NHSL2: variants seen among roughly 807,000 people sequenced by gnomAD.
The protein encoded by NHSL2 is NHS-like protein 2.
In NHSL2, 27 loss-of-function variants were observed where a neutral mutation model predicts 53.4. That is an observed-to-expected ratio of 0.51 (90% CI 0.37 to 0.70). NHSL2 has a LOEUF of 0.70. Among genes scored for constraint, NHSL2 ranks in the 30% least tolerant of loss-of-function variants. The pLI, the probability that NHSL2 is intolerant of heterozygous loss-of-function variation, is 0.00. For missense variants in NHSL2, 892 were observed against 980.1 expected (o/e 0.91, Z 1.20); for synonymous variants, 408 against 404.1 (o/e 1.01, Z -0.12).
chrX:72,143,782 C>A lies in NHSL2; in HGVS notation c.*208C>A. 3.0e-6 allele frequency: 1 copy of A among 332,728 alleles called. No homozygotes were observed. Among genetic ancestry groups the A allele is most frequent in the East Asian group, 5.0e-5 (1 of 20,040 alleles). The allele number at this position is 332,728 out of a possible 1,213,427, so 27.4% of individuals were successfully genotyped here. On this transcript the variant is annotated 3_prime_UTR_variant, in exon 8 of 8. Transcript: ENST00000633930. ...CTTCAGACATTTTTATGTTTTCATA[C>A]TTATAAGCTTGTCATGACTGACTAC...
intron 1 of NHSL2, among the ~76,000 whole-genome samples, chrX:72,120,374 G>C (rs752891076): frequency 1.8e-5 from 2 of 112,311 alleles, no homozygotes; most frequent in East Asian, 5.6e-4. Flanking sequence ...CTCTTTGCTT[G>C]TTATTTGTTT....
intron 1 of NHSL2, among the ~76,000 whole-genome samples, chrX:72,088,412 G>C (rs540862249): frequency 8.9e-6 from 1 of 112,408 alleles, no homozygotes; most frequent in Admixed American, 9.4e-5. Context: ...AATTAATAGG[G>C]AATTGTAAGT....
chrX:72,137,856 C>T (rs148324746), intron 5 of NHSL2, among the ~76,000 whole-genome samples: 1 of 112,018 alleles, frequency 8.9e-6, no homozygotes, highest in East Asian at 2.8e-4. Flanking sequence ...ATAATAATGA[C>T]ATGACAGTAT....
At chrX:72,118,110 C>T (rs779481718) in intron 1 of NHSL2, among the ~76,000 whole-genome samples, 2 of 111,260 alleles carry the variant, frequency 1.8e-5, no homozygotes, top group East Asian at 5.6e-4. Flanking sequence ...CACAAGGGTA[C>T]CACTTCCTCC....
intron 1 of NHSL2, among the ~76,000 whole-genome samples, chrX:71,912,346 G>T (rs1369122623): frequency 8.9e-6 from 1 of 112,658 alleles, no homozygotes; most frequent in Non-Finnish European, 1.9e-5. Flanking sequence ...CTACAGCTGG[G>T]GCATGCCAGG....
intron 1 of NHSL2, chrX:72,129,577 C>A: frequency 2.7e-6 from 1 of 365,369 alleles, no homozygotes; most frequent in South Asian, 6.6e-5. Context: ...CAGCTCGTGG[C>A]CGGACTGAGC....
chrX:72,063,939 G>A (rs995263493), intron 1 of NHSL2, among the ~76,000 whole-genome samples: 2 of 110,755 alleles, frequency 1.8e-5, no homozygotes, highest in African/African-American at 6.6e-5. Context: ...AGGTGAAGTC[G>A]ATTCTGGCTG....
chrX:72,037,424 AAAAAAAAAG>A (rs1267240399), intron 1 of NHSL2, among the ~76,000 whole-genome samples: 2 of 109,351 alleles, frequency 1.8e-5, no homozygotes, highest in East Asian at 5.7e-4. Flanking sequence ...CTCTGTCTCA[AAAAAAAAAG>A]AAAAAAAAAC....
At chrX:71,913,779 G>T (rs2041615222) in intron 1 of NHSL2, among the ~76,000 whole-genome samples, 2 of 110,950 alleles carry the variant, frequency 1.8e-5, no homozygotes, top group South Asian at 7.7e-4. Flanking sequence ...GTAGTGGCAA[G>T]TCAGACTGGC....
At chrX:71,914,050 C>T (rs952579909) in intron 1 of NHSL2, among the ~76,000 whole-genome samples, 1 of 112,245 alleles carries the variant, frequency 8.9e-6, no homozygotes, top group Non-Finnish European at 1.9e-5. Flanking sequence ...GCCCTAAAAG[C>T]TCTTGTAACT....
intron 1 of NHSL2, among the ~76,000 whole-genome samples, chrX:72,098,476 C>G (rs1167850597): frequency 9.2e-6 from 1 of 108,563 alleles, no homozygotes; most frequent in African/African-American, 3.4e-5. Context: ...AGCTACTCAG[C>G]TGGCTGAGGC....
chrX:72,061,219 T>C (rs1404963789), intron 1 of NHSL2, among the ~76,000 whole-genome samples: 1 of 111,912 alleles, frequency 8.9e-6, no homozygotes, highest in Non-Finnish European at 1.9e-5. Context: ...ATGCCCAATG[T>C]TTTTCAGGAT....
intron 7 of NHSL2, 107 bp downstream of exon 7, chrX:72,142,471 A>G: frequency 1.5e-6 from 1 of 676,030 alleles, no homozygotes; most frequent in Non-Finnish European, 2.1e-6. Context: ...AAAAAGAAAA[A>G]AATTAAAAAT....
intron 1 of NHSL2, among the ~76,000 whole-genome samples, chrX:72,059,267 G>T (rs1251699168): frequency 9.0e-6 from 1 of 110,606 alleles, no homozygotes; most frequent in Non-Finnish European, 1.9e-5. Context: ...TGTCTCATCT[G>T]GGCCCCTTCC....
chrX:71,991,150 T>C (rs914510904), intron 1 of NHSL2, among the ~76,000 whole-genome samples: 3 of 112,902 alleles, frequency 2.7e-5, no homozygotes. Context: ...AACTTGCAGC[T>C]CTTGGGCCCA....
intron 1 of NHSL2, among the ~76,000 whole-genome samples, chrX:72,032,645 G>A (rs377497785): frequency 1.6e-4 from 18 of 111,465 alleles, no homozygotes; most frequent in African/African-American, 5.9e-4. Context: ...GATCACTTGA[G>A]GTCAGGAGTT....
chrX:72,006,788 TCTCAC>T (rs2042096332), intron 1 of NHSL2, among the ~76,000 whole-genome samples: 1 of 112,557 alleles, frequency 8.9e-6, no homozygotes, highest in South Asian at 3.7e-4. Context: ...CAAGAGATCT[TCTCAC>T]CTTGGCCTCT....
intron 1 of NHSL2, among the ~76,000 whole-genome samples, chrX:72,003,145 A>G (rs1409253953): frequency 2.7e-5 from 3 of 110,823 alleles, no homozygotes; most frequent in Non-Finnish European, 3.8e-5. Context: ...AAAGACTCCC[A>G]CTGAAGCAGA....
At chrX:72,040,246 C>T (rs2042266257) in intron 1 of NHSL2, among the ~76,000 whole-genome samples, 1 of 111,976 alleles carries the variant, frequency 8.9e-6, no homozygotes, top group South Asian at 3.7e-4. Flanking sequence ...GATGGGAACA[C>T]AGATCATATC....
Sources: allele counts gnomAD v4.1 joint callset (sites outside exome capture counted in the v4.1 genomes callset), GRCh38; gene constraint gnomAD v4.1.1; transcripts MANE v1.5; gene names NCBI Gene and HGNC (gene_info 2026-07-23, HGNC 2026-07-21).